The following FCRL5 variants were observed in gnomAD, a reference collection of about 807,000 sequenced individuals.
The protein encoded by FCRL5 is Fc receptor like 5.
In FCRL5, 79 loss-of-function variants were observed where a neutral mutation model predicts 92.1. That is an observed-to-expected ratio of 0.86 (90% CI 0.72 to 1.03). The LOEUF (loss-of-function observed/expected upper bound fraction) is 1.03, where lower values mean the gene tolerates loss of function less well. Ranked by LOEUF, FCRL5 falls within the 50% of genes least tolerant of loss-of-function variation. FCRL5 has a pLI of 0.00. For missense variants in FCRL5, 1,160 were observed against 1,181.1 expected (o/e 0.98, Z 0.26); for synonymous variants, 466 against 469.3 (o/e 0.99, Z 0.09).
intron 9 of FCRL5, among the ~76,000 whole-genome samples, chr1:157,525,443 G>A (rs75247266): frequency 0.012 from 1,781 of 152,294 alleles, 38 homozygotes; most frequent in African/African-American, 0.039. Flanking sequence ...ATAGGAGACT[G>A]GAGATCTAGG....
intron 2 of FCRL5, among the ~76,000 whole-genome samples, chr1:157,547,895 T>C (rs1651633097): frequency 6.6e-6 from 1 of 152,236 alleles, no homozygotes. Context: ...GGGATGCAGA[T>C]AACTTGTCTT....
At position 157,524,264 on chromosome 1, in the gene FCRL5, G is replaced by A; in HGVS notation, c.2239+15C>T. The A allele has an allele frequency of 6.2e-7, 1 of 1,613,886 alleles. No individual in the cohort carries two copies. Among genetic ancestry groups the A allele is most frequent in the Non-Finnish European group, 8.5e-7 (1 of 1,179,756 alleles). On this transcript the variant is annotated intron_variant, in intron 10 of 16. Transcript: ENST00000361835. Reference sequence around the variant, plus strand: ...CAGTTCTCAGATGTGCTGCTGGTGGGCAGGGCCCACTCACCTGCAACTTTC... The same window carrying A: ...CAGTTCTCAGATGTGCTGCTGGTGGACAGGGCCCACTCACCTGCAACTTTC...
chr1:157,527,501 C>T, intron 9 of FCRL5, 116 bp downstream of exon 9: 1 of 1,084,984 alleles, frequency 9.2e-7, no homozygotes, highest in Non-Finnish European at 1.3e-6. Context: ...AGGCACCAAG[C>T]CTGACAGGAT....
intron 2 of FCRL5, among the ~76,000 whole-genome samples, chr1:157,548,776 C>G (rs1490323584): frequency 6.6e-6 from 1 of 152,160 alleles, no homozygotes; most frequent in African/African-American, 2.4e-5. Flanking sequence ...ATTAAAAAGT[C>G]AGGAAACAAC....
chr1:157,550,733 T>C (rs561452938), intron 1 of FCRL5, among the ~76,000 whole-genome samples: 1 of 152,322 alleles, frequency 6.6e-6, no homozygotes, highest in East Asian at 1.9e-4. Context: ...GTATAATGAA[T>C]TAATTAAAGA....
At chr1:157,535,287 G>C (rs780335284) in intron 7 of FCRL5, among the ~76,000 whole-genome samples, 10 of 152,224 alleles carry the variant, frequency 6.6e-5, no homozygotes, top group Non-Finnish European at 1.5e-4. Context: ...GCCCAAGGGG[G>C]ATTTTCCTAT....
rs1307810145 is a variant in FCRL5, at chr1:157,539,172, G to A, written c.1316C>T (p.Thr439Ile). The A allele has an allele frequency of 1.2e-6, 2 of 1,614,176 alleles. No individual in the cohort carries two copies. Among genetic ancestry groups the A allele is most frequent in the Non-Finnish European group, 8.5e-7 (1 of 1,180,002 alleles). ...AGGVAISFSL[T>I]AEHSGNYYCT... Reference sequence around the variant, plus strand: ...GTAGTAGTTCCCTGAATGCTCTGCAGTCAGAGAGAAGCTGATGGCCACTCC... The same window carrying A: ...GTAGTAGTTCCCTGAATGCTCTGCAATCAGAGAGAAGCTGATGGCCACTCC... The change falls in exon 7 of 17, where the codon ACT (threonine) becomes ATT (isoleucine). Residue 439 changes from threonine (T) to isoleucine (I), a missense_variant. Physicochemically the swap from Thr to Ile is moderately conservative, Grantham distance 89. Transcript: ENST00000361835.
In FCRL5 at chr1:157,542,829, G is replaced by T. The variant is rs774670633; in HGVS notation, c.1123+30C>A. ...GGTGAGGCAGGACTCTTGGCCAGGG[G>T]TGGGTGATTGGCAGGAATGCAGGGC... On this transcript the variant is annotated intron_variant, in intron 6 of 16. Coordinates refer to ENST00000361835, the MANE Select transcript of FCRL5 (RefSeq NM_031281.3). The T allele has an allele frequency of 2.5e-6, 4 of 1,596,482 alleles. No individual in the cohort carries two copies. In the East Asian group the frequency reaches 6.7e-5, roughly 27 times the overall value.
intron 11 of FCRL5, 29 bp from the exon 12 acceptor site, chr1:157,520,576 G>A (rs1271358253): frequency 6.5e-7 from 1 of 1,547,518 alleles, no homozygotes; most frequent in East Asian, 2.4e-5. Flanking sequence ...GTGTGAGCCA[G>A]AGGAGAGGCT....
rs1649857341 is a variant in FCRL5, at chr1:157,515,054, T to G, written c.*621A>C. The G allele has an allele frequency of 6.3e-6, 1 of 157,682 alleles. No individual in the cohort carries two copies. Among genetic ancestry groups the G allele is most frequent in the Non-Finnish European group, 1.4e-5 (1 of 71,014 alleles). 9.8% of individuals were successfully genotyped at this position (157,682 alleles called of 1,614,324 possible). A position where few individuals can be genotyped will look rare whatever the true frequency, so the allele number is the denominator to read the frequency against. Reference sequence around the variant, plus strand: ...GCCACTTACTTGGGCAGGTAGACACTGACACATGAGCAGGAGAGAAGTTAC... The same window carrying G: ...GCCACTTACTTGGGCAGGTAGACACGGACACATGAGCAGGAGAGAAGTTAC... On this transcript the variant is annotated 3_prime_UTR_variant, in exon 17 of 17. Transcript: ENST00000361835.
chr1:157,520,836 G>A (rs769230264), intron 11 of FCRL5, among the ~76,000 whole-genome samples, 181 bp downstream of exon 11: 9 of 152,222 alleles, frequency 5.9e-5, no homozygotes, highest in African/African-American at 2.2e-4. Flanking sequence ...GCCAACCCGC[G>A]CTCTCAGCCC....
chr1:157,544,196 A>G, intron 5 of FCRL5, 66 bp downstream of exon 5: 2 of 1,557,188 alleles, frequency 1.3e-6, no homozygotes, highest in Non-Finnish European at 1.8e-6. Flanking sequence ...ACCCACGCTG[A>G]TATGCAGCCC....
chr1:157,546,316 C>T (rs558184035), intron 3 of FCRL5: 18 of 437,554 alleles, frequency 4.1e-5, no homozygotes, highest in Admixed American at 2.0e-4. Context: ...GGTGTGATGG[C>T]GGGCTCTTGT....
At chr1:157,537,480 G>A (rs534839120) in intron 7 of FCRL5, among the ~76,000 whole-genome samples, 11 of 152,216 alleles carry the variant, frequency 7.2e-5, no homozygotes, top group Admixed American at 2.0e-4. Context: ...ATGACAATGC[G>A]TGCCCGAAGC....
intron 6 of FCRL5, chr1:157,541,779 A>G (rs1651274105): frequency 6.6e-6 from 1 of 152,284 alleles, no homozygotes; most frequent in African/African-American, 2.4e-5. Flanking sequence ...AGGTTAGTGT[A>G]GTCGTAGATG....
chr1:157,548,205 G>T (rs983762990), intron 2 of FCRL5, among the ~76,000 whole-genome samples: 9 of 152,202 alleles, frequency 5.9e-5, no homozygotes, highest in African/African-American at 2.2e-4. Context: ...CCCCAGGGAG[G>T]GTCAGAGGGT....
At chr1:157,521,624 T>G (rs945235894) in intron 10 of FCRL5, 4 of 192,290 alleles carry the variant, frequency 2.1e-5, no homozygotes, top group Non-Finnish European at 4.2e-5. Flanking sequence ...AAAGCTTAAA[T>G]AGACTGATCA....
At chr1:157,548,762 A>C (rs1405121436) in intron 2 of FCRL5, among the ~76,000 whole-genome samples, 1 of 152,208 alleles carries the variant, frequency 6.6e-6, no homozygotes, top group Non-Finnish European at 1.5e-5. Context: ...TTAGAATGGC[A>C]ATTATTAAAA....
intron 10 of FCRL5, chr1:157,523,921 G>T: frequency 2.9e-6 from 1 of 343,422 alleles, no homozygotes; most frequent in Non-Finnish European, 5.2e-6. Flanking sequence ...AGAAGAATCC[G>T]GACAAGAAAC....
Sources: allele counts gnomAD v4.1 joint callset (sites outside exome capture counted in the v4.1 genomes callset), GRCh38; gene constraint gnomAD v4.1.1; transcripts MANE v1.5; gene names NCBI Gene and HGNC (gene_info 2026-07-23, HGNC 2026-07-21).